Variants in BICD2 observed in about 807,000 individuals in gnomAD.
BICD2 encodes BICD cargo adaptor 2.
BICD2 carries 25 observed loss-of-function variants against 72.9 expected under a neutral mutation model. The observed-to-expected ratio is 0.34, with a 90% CI of 0.25 to 0.48. The LOEUF (loss-of-function observed/expected upper bound fraction) is 0.48. Among genes scored for constraint, BICD2 ranks in the 20% least tolerant of loss-of-function variants. The pLI is 0.99. For synonymous variants in BICD2, 501 were observed against 516.1 expected (o/e 0.97, Z 0.40); for missense variants, 894 against 1,175.2 (o/e 0.76, Z 3.50).
At chr9:92,748,748 C>T (rs1385882661) in intron 1 of BICD2, among the ~76,000 whole-genome samples, 1 of 152,176 alleles carries the variant, frequency 6.6e-6, no homozygotes, top group African/African-American at 2.4e-5. Context: ...TAAGCAGATA[C>T]AGGCAACAAA....
chr9:92,740,413 A>T (rs1853876414), intron 1 of BICD2, among the ~76,000 whole-genome samples: 1 of 152,142 alleles, frequency 6.6e-6, no homozygotes, highest in Admixed American at 6.5e-5. Flanking sequence ...TGATCTCTTA[A>T]ATATATCTGT....
intron 1 of BICD2, among the ~76,000 whole-genome samples, chr9:92,752,598 T>C (rs1854172920): frequency 6.6e-6 from 1 of 152,120 alleles, no homozygotes; most frequent in African/African-American, 2.4e-5. Context: ...TGAGACCATG[T>C]ACCTACTAAA....
intron 1 of BICD2, among the ~76,000 whole-genome samples, chr9:92,730,291 C>T (rs373886262): frequency 1.3e-5 from 2 of 152,250 alleles, no homozygotes; most frequent in East Asian, 1.9e-4. Flanking sequence ...TGACTGAAAG[C>T]GGATGGCTTT....
chr9:92,750,232 AAG>A (rs1854119892), intron 1 of BICD2, among the ~76,000 whole-genome samples: 1 of 152,224 alleles, frequency 6.6e-6, no homozygotes, highest in East Asian at 1.9e-4. Flanking sequence ...TCGCATTTGG[AAG>A]AGTCTGGCAG....
At chr9:92,734,527 AAAAAG>A (rs991293374) in intron 1 of BICD2, among the ~76,000 whole-genome samples, 1 of 151,358 alleles carries the variant, frequency 6.6e-6, no homozygotes, top group Non-Finnish European at 1.5e-5. Context: ...AAAAAAAAAA[AAAAAG>A]AGAGAAGACA....
chr9:92,737,544 C>T (rs190649897), intron 1 of BICD2, among the ~76,000 whole-genome samples: 5 of 152,264 alleles, frequency 3.3e-5, no homozygotes, highest in East Asian at 1.9e-4. Flanking sequence ...CCATACCAGA[C>T]GCTTAGGCCC....
At chr9:92,740,545 C>T (rs1272703056) in intron 1 of BICD2, among the ~76,000 whole-genome samples, 1 of 151,536 alleles carries the variant, frequency 6.6e-6, no homozygotes. Context: ...GGAGGGGGGG[C>T]GTTGTGGTGG....
chr9:92,721,440 A>C (rs1028633203), intron 3 of BICD2, among the ~76,000 whole-genome samples: 8 of 152,264 alleles, frequency 5.3e-5, no homozygotes, highest in Non-Finnish European at 1.2e-4. Flanking sequence ...CAGGTGGGCA[A>C]GGAAAAAGCA....
intron 1 of BICD2, among the ~76,000 whole-genome samples, chr9:92,735,764 CCTG>C (rs1266636375): frequency 6.6e-6 from 1 of 152,124 alleles, no homozygotes; most frequent in Non-Finnish European, 1.5e-5. Flanking sequence ...ACAGTAATGG[CCTG>C]CTGTTCACGG....
At chr9:92,721,619 T>C (rs928817409) in intron 3 of BICD2, among the ~76,000 whole-genome samples, 1 of 152,200 alleles carries the variant, frequency 6.6e-6, no homozygotes, top group African/African-American at 2.4e-5. Context: ...CATTACCACA[T>C]CCAAGGTGTG....
intron 1 of BICD2, among the ~76,000 whole-genome samples, chr9:92,739,690 G>A (rs1463567485): frequency 2.6e-5 from 4 of 152,148 alleles, no homozygotes; most frequent in African/African-American, 4.8e-5. Flanking sequence ...ACAATCATGC[G>A]GTCAGTAAAC....
Position 92,764,820 on chromosome 9 carries a change from G to A in BICD2, c.-76C>T, listed in dbSNP as rs1186594577. On this transcript the variant is annotated 5_prime_UTR_variant, in exon 1 of 7. Transcript: ENST00000356884. The surrounding 1 kb of genome is among the most constrained non-coding windows in gnomAD (Gnocchi z 5.5). ...CTCCTCAGCCGCCGCCGCTGCCGCC[G>A]CCGCCGCCGCCCTGCCCCGACGGCC... 3.5e-6 allele frequency: 4 copies of A among 1,133,020 alleles called. No individual in the cohort carries two copies. Among genetic ancestry groups the A allele is most frequent in the Non-Finnish European group, 4.3e-6 (4 of 923,288 alleles). The allele number at this position is 1,133,020 out of a possible 1,614,324, so 70.2% of individuals were successfully genotyped here.
At position 92,738,078 on chromosome 9, in the gene BICD2, T is replaced by C. The variant is rs116036580; in HGVS notation, c.241-8842A>G. Reference sequence around the variant, plus strand: ...GGCACAGCAGGAGAGCCAACGGGTATGTGCACACCTGAAGCCAGGCTGCCT... The same window carrying C: ...GGCACAGCAGGAGAGCCAACGGGTACGTGCACACCTGAAGCCAGGCTGCCT... On this transcript the variant is annotated intron_variant, in intron 1 of 6. Transcript: ENST00000356884. Among the ~76,000 whole-genome samples the C allele has an allele frequency of 9.0e-3, 1,375 of 152,336 alleles. 23 individuals carry two copies. Among genetic ancestry groups the C allele is most frequent in the African/African-American group, 0.032 (1,326 of 41,580 alleles).
rs1230145226 is a variant in BICD2, at chr9:92,764,759, G to C, written c.-15C>G. On this transcript the variant is annotated 5_prime_UTR_variant, in exon 1 of 7. Coordinates refer to ENST00000356884, the MANE Select transcript of BICD2 (RefSeq NM_001003800.2). This position sits in a 1 kb window ranked among gnomAD's most constrained non-coding sequence, Gnocchi z 5.5. Reference sequence around the variant, plus strand: ...GGCGCCGACATGGTGGCCGAGGGCTGAGCCGGCTCCCACTGAGGCTCTCGC... The same window carrying C: ...GGCGCCGACATGGTGGCCGAGGGCTCAGCCGGCTCCCACTGAGGCTCTCGC... 3 of 1,534,484 alleles carry C rather than the reference G, an allele frequency of 2.0e-6. No homozygotes were observed. In the South Asian group the frequency reaches 3.6e-5, roughly 18 times the overall value.
intron 1 of BICD2, among the ~76,000 whole-genome samples, chr9:92,734,929 G>A (rs1853751010): frequency 6.6e-6 from 1 of 152,210 alleles, no homozygotes; most frequent in African/African-American, 2.4e-5. Context: ...ACACACAGGT[G>A]GAAGGCCCAA....
Position 92,720,215 on chromosome 9 carries a change from A to G in BICD2, c.1062+85T>C, listed in dbSNP as rs1853431045. On this transcript the variant is annotated intron_variant, in intron 4 of 6. Coordinates refer to ENST00000356884, the MANE Select transcript of BICD2 (RefSeq NM_001003800.2). The surrounding 1 kb of genome is among the most constrained non-coding windows in gnomAD (Gnocchi z 5.4). ...GTAAGGAAAAGGGAAAGTTAACATC[A>G]GCAGAGTGTCAGGTAAGCACTGCTC... 2 of 1,299,066 alleles carry G rather than the reference A, an allele frequency of 1.5e-6. No individual in the cohort carries two copies. Among genetic ancestry groups the G allele is most frequent in the East Asian group, 2.4e-5 (1 of 41,840 alleles). 80.5% of individuals were successfully genotyped at this position (1,299,066 alleles called of 1,614,324 possible).
At chr9:92,756,748 TC>T (rs1213686049) in intron 1 of BICD2, among the ~76,000 whole-genome samples, 1 of 151,364 alleles carries the variant, frequency 6.6e-6, no homozygotes, top group East Asian at 2.0e-4. Context: ...ACGCCTGTAA[TC>T]CCAGCTACTC....
chr9:92,746,006 A>C (rs1345583077), intron 1 of BICD2, among the ~76,000 whole-genome samples: 2 of 152,170 alleles, frequency 1.3e-5, no homozygotes, highest in Non-Finnish European at 2.9e-5. Flanking sequence ...CTTGGACTCA[A>C]TGTGGGGACT....
At chr9:92,716,434 C>T (rs1460803123) in intron 6 of BICD2, among the ~76,000 whole-genome samples, 2 of 152,240 alleles carry the variant, frequency 1.3e-5, no homozygotes, top group Non-Finnish European at 2.9e-5. Context: ...AATCCTGGGA[C>T]TCTTCCTTGT....
Sources: gnomAD v4.1 joint callset for allele counts (sites outside exome capture counted in the v4.1 genomes callset) on GRCh38, gnomAD v4.1.1 for gene constraint, Gnocchi (gnomAD v3.1) non-coding constraint, MANE v1.5 for transcripts, NCBI Gene and HGNC (gene_info 2026-07-23, HGNC 2026-07-21) for gene names.